GRHL1: variants seen among roughly 807,000 people sequenced by gnomAD.
GRHL1 encodes the protein grainyhead like transcription factor 1.
Under a neutral mutation model 75.7 loss-of-function variants are expected in GRHL1, and 38 were observed. That is an observed-to-expected ratio of 0.50 (90% CI 0.39 to 0.66). GRHL1 has a LOEUF of 0.66. GRHL1 is among the 30% of genes least tolerant of loss of function. GRHL1 has a pLI of 0.00. For synonymous variants in GRHL1, 266 were observed against 279.4 expected, an observed-to-expected ratio of 0.95 and a Z score of 0.48; for missense variants, 589 against 767.5, an observed-to-expected ratio of 0.77 and a Z score of 2.75.
rs767647830 is a variant in GRHL1, at chr2:10,000,586, C to CA, written c.1743-6dup. The CA allele has an allele frequency of 6.4e-7, 1 of 1,571,592 alleles. No homozygotes were observed. Among genetic ancestry groups the CA allele is most frequent in the Non-Finnish European group, 8.8e-7 (1 of 1,142,062 alleles). ...GAAGTTGGTTGGTCTTGTCCCCCCC[C>CA]ATCCAGGATCCTGGTGAACATGGAC... is the stretch of plus-strand genomic sequence containing the variant. On this transcript the variant is annotated splice_polypyrimidine_tract_variant and splice_region_variant and intron_variant, in intron 15 of 15. Coordinates refer to ENST00000324907, the MANE Select transcript of GRHL1 (RefSeq NM_198182.3).
At chr2:9,988,921 A>G (rs543359061) in intron 9 of GRHL1, among the ~76,000 whole-genome samples, 1 of 152,242 alleles carries the variant, frequency 6.6e-6, no homozygotes, top group East Asian at 1.9e-4. Context: ...GGACAGTCCT[A>G]TTTTGTAATA....
chr2:9,986,238 C>G lies in GRHL1; in HGVS notation c.1225C>G (p.Pro409Ala). The G allele has an allele frequency of 6.2e-7, 1 of 1,613,798 alleles. No homozygotes were observed. Among genetic ancestry groups the G allele is most frequent in the Non-Finnish European group, 8.5e-7 (1 of 1,179,864 alleles). ...TYSYNNRSNK[P>A]VHRAYCQIKV... The stretch of plus-strand genomic sequence containing the variant: ...TAGTTACAACAACCGCAGCAACAAG[C>G]CTGTGCACCGGGCCTACTGCCAGAT... The change falls in exon 9 of 16, where the codon CCT (proline) becomes GCT (alanine). Residue 409 changes from proline (P) to alanine (A), a missense_variant. This residue lies in a region of GRHL1 where 30 missense variants were observed against 40.3 expected (regional missense o/e 0.74). Coordinates refer to ENST00000324907, the MANE Select transcript of GRHL1 (RefSeq NM_198182.3).
chr2:9,998,471 TATATATATAC>T (rs1558319585), intron 14 of GRHL1, among the ~76,000 whole-genome samples: 9 of 52,052 alleles, frequency 1.7e-4, no homozygotes, highest in Admixed American at 5.8e-4. Context: ...TATATATACG[TATATATATAC>T]ATATATATAC....
At chr2:9,995,321 G>T (rs1668812151) in intron 12 of GRHL1, 2 of 152,272 alleles carry the variant, frequency 1.3e-5, no homozygotes, top group Admixed American at 1.3e-4. Context: ...GCCAGGCGTG[G>T]TGGATCATGC....
intron 4 of GRHL1, 114 bp from the exon 5 acceptor site, chr2:9,962,341 G>A (rs927385004): frequency 8.1e-6 from 5 of 616,772 alleles, no homozygotes; most frequent in African/African-American, 1.9e-5. Flanking sequence ...AAATAAATAT[G>A]GAAAGGATAG....
intron 8 of GRHL1, among the ~76,000 whole-genome samples, chr2:9,981,906 C>T (rs1050694041): frequency 6.6e-6 from 1 of 152,214 alleles, no homozygotes; most frequent in African/African-American, 2.4e-5. Context: ...CAACTTCAGC[C>T]TTCAGCTGAA....
chr2:9,965,444 T>C, intron 8 of GRHL1, 63 bp downstream of exon 8: 1 of 870,666 alleles, frequency 1.1e-6, no homozygotes, highest in Non-Finnish European at 1.9e-6. Flanking sequence ...AGTTTAATGA[T>C]TTGACAACTG....
intron 2 of GRHL1, among the ~76,000 whole-genome samples, chr2:9,955,976 C>T (rs1169374234): frequency 6.6e-6 from 1 of 152,228 alleles, no homozygotes; most frequent in Admixed American, 6.5e-5. Context: ...CATTGTCACT[C>T]TGTGTGACTA....
intron 1 of GRHL1, chr2:9,953,017 T>G: frequency 2.2e-6 from 1 of 456,810 alleles, no homozygotes; most frequent in South Asian, 1.5e-5. Flanking sequence ...GACTGAAGCC[T>G]ACTTCCTGAC....
At chr2:9,984,392 G>C (rs144358982) in intron 8 of GRHL1, among the ~76,000 whole-genome samples, 1 of 152,286 alleles carries the variant, frequency 6.6e-6, no homozygotes, top group East Asian at 1.9e-4. Context: ...CCACTATGTG[G>C]TGCACATGCA....
intron 8 of GRHL1, among the ~76,000 whole-genome samples, chr2:9,970,263 A>C (rs1026484751): frequency 6.6e-6 from 1 of 152,254 alleles, no homozygotes; most frequent in Non-Finnish European, 1.5e-5. Context: ...TCATTCACAC[A>C]TTTAATTTTA....
intron 14 of GRHL1, among the ~76,000 whole-genome samples, chr2:9,997,062 C>G (rs2125247627): frequency 6.6e-6 from 1 of 152,336 alleles, no homozygotes; most frequent in African/African-American, 2.4e-5. Context: ...CCGTAGAGAT[C>G]TTTAAGCTCA....
At chr2:9,977,406 C>T (rs1055224105) in intron 8 of GRHL1, among the ~76,000 whole-genome samples, 5 of 152,204 alleles carry the variant, frequency 3.3e-5, no homozygotes, top group Non-Finnish European at 7.3e-5. Context: ...CTGCAACCTC[C>T]GCCTCCGGGG....
intron 3 of GRHL1, chr2:9,960,047 A>G (rs895808551): frequency 6.6e-5 from 10 of 152,232 alleles, no homozygotes; most frequent in African/African-American, 2.4e-4. Flanking sequence ...ACTGGAAATC[A>G]TCTTGTATTG....
rs538641537 is a variant in GRHL1, at chr2:9,965,116, T to C, written c.1016-171T>C. On this transcript the variant is annotated intron_variant, in intron 7 of 15. Transcript: ENST00000324907. Reference sequence around the variant, plus strand: ...CTAAGCTTGCCTCTATTACAAAAACTCTGTGATTCTTTTTCTTCGTATTTT... The same window carrying C: ...CTAAGCTTGCCTCTATTACAAAAACCCTGTGATTCTTTTTCTTCGTATTTT... 3.0e-4 allele frequency: 159 copies of C among 533,722 alleles called. 1 individual carries two copies. The East Asian group carries it at 4.4e-3, about 15-fold the overall frequency. 33.1% of individuals were successfully genotyped at this position (533,722 alleles called of 1,614,324 possible). A position where few individuals can be genotyped will look rare whatever the true frequency, so the allele number is the denominator to read the frequency against.
chr2:9,974,378 T>C (rs1275332265), intron 8 of GRHL1, among the ~76,000 whole-genome samples: 1 of 152,246 alleles, frequency 6.6e-6, no homozygotes, highest in East Asian at 1.9e-4. Flanking sequence ...TGACCAACTT[T>C]CTGAAGCATC....
At position 9,965,404 on chromosome 2, in the gene GRHL1, C is replaced by T. The variant is rs369326255; in HGVS notation, c.1110+23C>T. On this transcript the variant is annotated intron_variant, in intron 8 of 15. Transcript: ENST00000324907. The stretch of plus-strand genomic sequence containing the variant: ...AAGGTGGGTGGTGAGGTCTGGGCGC[C>T]TTATGTCCAGCCATTTGAGAAATGG... The T allele has an allele frequency of 7.8e-4, 1,021 of 1,317,240 alleles. 1 individual carries two copies. Among genetic ancestry groups the T allele is most frequent in the Non-Finnish European group, 9.9e-4 (904 of 914,688 alleles). 81.6% of individuals were successfully genotyped at this position (1,317,240 alleles called of 1,614,324 possible). A position where few individuals can be genotyped will look rare whatever the true frequency, so the allele number is the denominator to read the frequency against.
At position 10,000,520 on chromosome 2, in the gene GRHL1, A is replaced by G. The variant is rs1669219194; in HGVS notation, c.1743-73A>G. The G allele has an allele frequency of 1.3e-5, 10 of 777,582 alleles. No homozygotes were observed. In the East Asian group the frequency reaches 2.5e-4, roughly 20 times the overall value. 48.2% of individuals were successfully genotyped at this position (777,582 alleles called of 1,614,324 possible). A position where few individuals can be genotyped will look rare whatever the true frequency, so the allele number is the denominator to read the frequency against. On this transcript the variant is annotated intron_variant, in intron 15 of 15. Transcript: ENST00000324907. ...GCTGCAACTAGTAAGTGGGAGAGCT[A>G]ACAGGTCAATCTAGGTCTGACTCCA...
At chr2:9,955,172 A>G in intron 2 of GRHL1, 71 bp downstream of exon 2, 1 of 999,656 alleles carries the variant, frequency 1.0e-6, no homozygotes, top group Non-Finnish European at 1.5e-6. Context: ...ATAGAAACAG[A>G]CATTTGCTGG....
Sources: allele counts gnomAD v4.1 joint callset (sites outside exome capture counted in the v4.1 genomes callset), GRCh38; gene constraint gnomAD v4.1.1; regional missense constraint gnomAD v4.1.1; transcripts MANE v1.5; gene names NCBI Gene and HGNC (gene_info 2026-07-23, HGNC 2026-07-21).